The following ARB2A variants were observed in gnomAD, a reference collection of about 807,000 sequenced individuals.
ARB2A encodes the protein cotranscriptional regulator ARB2A.
chr5:94,064,880 T>C, the ARB2A span, among the ~76,000 whole-genome samples: 2,165 of 152,126 alleles, frequency 0.014, 54 homozygotes, highest in African/African-American at 0.049. Flanking sequence ...TCTAGCACCA[T>C]GTAAAGGCAC....
At chr5:93,858,640 AT>A in the ARB2A span, among the ~76,000 whole-genome samples, 1 of 152,202 alleles carries the variant, frequency 6.6e-6, no homozygotes, top group South Asian at 2.1e-4. Context: ...AGAGCCCATC[AT>A]CTATTTCAAT....
chr5:93,781,204 A>T, the ARB2A span, among the ~76,000 whole-genome samples: 1 of 151,986 alleles, frequency 6.6e-6, no homozygotes, highest in South Asian at 2.1e-4. Context: ...CTATTATTCT[A>T]CTTTGTATGT....
chr5:93,863,495 C>T, the ARB2A span: 1 of 151,764 alleles, frequency 6.6e-6, no homozygotes, highest in African/African-American at 2.4e-5. Context: ...TCTTGAGCTC[C>T]TGGCTTCAAG....
At chr5:93,630,148 T>TA in the ARB2A span, among the ~76,000 whole-genome samples, 10 of 152,194 alleles carry the variant, frequency 6.6e-5, no homozygotes, top group Non-Finnish European at 1.3e-4. Context: ...CTAGAGCTTC[T>TA]AAGAACAATA....
At chr5:93,858,737 A>G in the ARB2A span, among the ~76,000 whole-genome samples, 1 of 152,238 alleles carries the variant, frequency 6.6e-6, no homozygotes, top group African/African-American at 2.4e-5. Context: ...AAAATGACAA[A>G]TAATTGTTAT....
chr5:94,074,657 G>A, the ARB2A span: 1 of 1,611,912 alleles, frequency 6.2e-7, no homozygotes, highest in Non-Finnish European at 8.5e-7. Flanking sequence ...TTTCAGTGCG[G>A]TAGTCTTTTC....
chr5:93,620,579 GA>G, the ARB2A span: 42 of 161,752 alleles, frequency 2.6e-4, no homozygotes, highest in African/African-American at 1.0e-3. Flanking sequence ...TGAGAGCGGG[GA>G]AAGATGGACA....
chr5:93,856,944 G>A, the ARB2A span, among the ~76,000 whole-genome samples: 1 of 152,054 alleles, frequency 6.6e-6, no homozygotes, highest in Non-Finnish European at 1.5e-5. Flanking sequence ...TGATGGTGAT[G>A]TACAGATGGG....
At chr5:93,743,821 C>A in the ARB2A span, among the ~76,000 whole-genome samples, 10 of 152,074 alleles carry the variant, frequency 6.6e-5, no homozygotes, top group African/African-American at 2.4e-4. Context: ...CGCCTGCCAC[C>A]ACGCCTGGCT....
the ARB2A span, among the ~76,000 whole-genome samples, chr5:93,654,820 C>T: frequency 1.3e-5 from 2 of 152,208 alleles, no homozygotes; most frequent in African/African-American, 4.8e-5. Flanking sequence ...ATGCCTGCAG[C>T]CTTCTGTTGC....
At chr5:93,672,423 C>A in the ARB2A span, among the ~76,000 whole-genome samples, 1,076 of 152,102 alleles carry the variant, frequency 7.1e-3, 13 homozygotes, top group African/African-American at 0.025. Flanking sequence ...GATTCTCCTG[C>A]CTCAGCCTCC....
At chr5:93,703,512 C>G in the ARB2A span, among the ~76,000 whole-genome samples, 1 of 152,208 alleles carries the variant, frequency 6.6e-6, no homozygotes, top group Non-Finnish European at 1.5e-5. Flanking sequence ...AAATAGCTAA[C>G]TTAATGCTTT....
At chr5:93,731,695 C>T in the ARB2A span, among the ~76,000 whole-genome samples, 3 of 152,304 alleles carry the variant, frequency 2.0e-5, no homozygotes, top group Non-Finnish European at 2.9e-5. Flanking sequence ...GCATCTTATA[C>T]ACTGTCCTGG....
At chr5:93,698,355 C>T in the ARB2A span, among the ~76,000 whole-genome samples, 108 of 152,218 alleles carry the variant, frequency 7.1e-4, no homozygotes, top group Middle Eastern at 6.8e-3. Flanking sequence ...ACAAAGCTTA[C>T]ATTCTAGTGA....
At chr5:93,904,433 G>C in the ARB2A span, among the ~76,000 whole-genome samples, 2 of 151,780 alleles carry the variant, frequency 1.3e-5, no homozygotes, top group Admixed American at 6.6e-5. Context: ...TCTTAGAGTT[G>C]TTTCCTTTAA....
At chr5:93,619,484 T>C in the ARB2A span, 1 of 152,286 alleles carries the variant, frequency 6.6e-6, no homozygotes, top group East Asian at 1.9e-4. Flanking sequence ...CACGAAGTGG[T>C]TGATTTTAAG....
At chr5:93,820,866 G>A in the ARB2A span, among the ~76,000 whole-genome samples, 112 of 152,164 alleles carry the variant, frequency 7.4e-4, 1 homozygote, top group South Asian at 0.022. Flanking sequence ...GGAAATTTGA[G>A]TTGTTACCAT....
the ARB2A span, among the ~76,000 whole-genome samples, chr5:93,632,966 T>TGGGATGGG: frequency 3.3e-5 from 5 of 152,128 alleles, no homozygotes; most frequent in Non-Finnish European, 7.3e-5. Flanking sequence ...GGTAAGGTAT[T>TGGGATGGG]GGGATGGGGA....
chr5:93,730,444 A>T, the ARB2A span, among the ~76,000 whole-genome samples: 1 of 152,158 alleles, frequency 6.6e-6, no homozygotes, highest in African/African-American at 2.4e-5. Context: ...GCCAAAAAAA[A>T]ATGTTTGAAA....
Sources: gnomAD v4.1 joint callset for allele counts (sites outside exome capture counted in the v4.1 genomes callset) on GRCh38, gnomAD v4.1.1 for gene constraint, MANE v1.5 for transcripts, NCBI Gene and HGNC (gene_info 2026-07-23, HGNC 2026-07-21) for gene names.